Variants in BOLL observed in about 807,000 individuals in gnomAD.
BOLL encodes the protein boule RNA binding protein.
Under a neutral mutation model 44.4 loss-of-function variants are expected in BOLL, and 23 were observed. The ratio of observed to expected loss-of-function variants is 0.52; its 90% CI spans 0.37 to 0.73. The LOEUF is 0.73. BOLL is among the 30% of genes least tolerant of loss of function. The pLI, the probability that BOLL is intolerant of heterozygous loss-of-function variation, is 0.00. For missense variants in BOLL, 287 were observed against 338.3 expected (o/e 0.85, Z 1.19); for synonymous variants, 97 against 110.8 (o/e 0.88, Z 0.78).
intron 10 of BOLL, among the ~76,000 whole-genome samples, chr2:197,740,913 G>A (rs985729518): frequency 5.3e-5 from 8 of 152,142 alleles, no homozygotes; most frequent in South Asian, 2.1e-4. Flanking sequence ...GTCAGGTAGC[G>A]TGATACCTCC....
At chr2:197,770,405 C>T (rs555463887) in intron 6 of BOLL, among the ~76,000 whole-genome samples, 54 of 152,210 alleles carry the variant, frequency 3.5e-4, no homozygotes, top group African/African-American at 1.2e-3. Context: ...TAGGAGAAAA[C>T]CTAGGCAATA....
intron 9 of BOLL, among the ~76,000 whole-genome samples, chr2:197,748,310 TG>T (rs1268380546): frequency 6.6e-6 from 1 of 152,224 alleles, no homozygotes; most frequent in Non-Finnish European, 1.5e-5. Context: ...GGTGCCCATT[TG>T]GGCAGACACC....
intron 9 of BOLL, 79 bp from the exon 10 acceptor site, chr2:197,743,238 A>T: frequency 1.0e-6 from 1 of 987,934 alleles, no homozygotes. Flanking sequence ...ACAATATACT[A>T]ATCATCTAGC....
rs1686941131 is a variant in BOLL at position 197,728,308 on chromosome 2, C to G, written c.*247G>C. On this transcript the variant is annotated 3_prime_UTR_variant, in exon 11 of 11. Transcript: ENST00000392296. ...AAACATGTTGTAGAAAAGGTCATTA[C>G]AGTTAGGTTAGCACATAAAAAACCA... 1.8e-6 allele frequency: 1 copy of G among 563,732 alleles called. No individual in the cohort carries two copies. The highest frequency in any genetic ancestry group is 3.1e-6 in the Non-Finnish European group (1 of 318,518). 34.9% of individuals were successfully genotyped at this position (563,732 alleles called of 1,614,324 possible).
chr2:197,729,168 G>A (rs1318773011), intron 10 of BOLL, among the ~76,000 whole-genome samples: 2 of 152,224 alleles, frequency 1.3e-5, no homozygotes, highest in African/African-American at 2.4e-5. Context: ...CTTGGGAAGC[G>A]CAAGGGGTCA....
chr2:197,770,918 A>T (rs1212803612), intron 6 of BOLL, among the ~76,000 whole-genome samples: 1 of 152,186 alleles, frequency 6.6e-6, no homozygotes, highest in Non-Finnish European at 1.5e-5. Flanking sequence ...AACTAGTTCA[A>T]CCATTGTGGA....
intron 2 of BOLL, among the ~76,000 whole-genome samples, chr2:197,779,464 C>A (rs1405026041): frequency 6.6e-6 from 1 of 151,850 alleles, no homozygotes; most frequent in East Asian, 1.9e-4. Flanking sequence ...GGCAGTGGAA[C>A]TAGGTTGTGT....
chr2:197,746,016 T>C (rs1687972900), intron 9 of BOLL, among the ~76,000 whole-genome samples: 1 of 152,232 alleles, frequency 6.6e-6, no homozygotes, highest in Admixed American at 6.5e-5. Context: ...ATTTTTCTTG[T>C]CTACTATCTA....
intron 6 of BOLL, among the ~76,000 whole-genome samples, chr2:197,769,020 T>C (rs1016551503): frequency 6.6e-6 from 1 of 151,632 alleles, no homozygotes; most frequent in African/African-American, 2.4e-5. Context: ...CCAACTTGAT[T>C]ATGGTGGATA....
chr2:197,766,920 C>T (rs1689026397), intron 6 of BOLL, among the ~76,000 whole-genome samples: 1 of 151,828 alleles, frequency 6.6e-6, no homozygotes, highest in Admixed American at 6.6e-5. Flanking sequence ...AAAATGACAG[C>T]AAGACTTAGG....
chr2:197,742,856 T>A (rs1490404293), intron 10 of BOLL, among the ~76,000 whole-genome samples: 3 of 152,032 alleles, frequency 2.0e-5, no homozygotes, highest in Non-Finnish European at 4.4e-5. Context: ...AGAAAATTTT[T>A]AAGTTGCATA....
intron 2 of BOLL, among the ~76,000 whole-genome samples, chr2:197,779,932 C>T (rs1333101449): frequency 1.3e-5 from 2 of 151,904 alleles, no homozygotes; most frequent in Admixed American, 6.6e-5. Context: ...AGAGCTATGC[C>T]TTTTGAGTTC....
intron 2 of BOLL, among the ~76,000 whole-genome samples, chr2:197,780,975 T>G (rs1300257173): frequency 2.0e-5 from 3 of 152,078 alleles, no homozygotes; most frequent in African/African-American, 7.2e-5. Context: ...TCATGAACTA[T>G]GCTTTCTTGA....
At chr2:197,758,114 A>G (rs950364186) in intron 7 of BOLL, among the ~76,000 whole-genome samples, 2 of 152,248 alleles carry the variant, frequency 1.3e-5, no homozygotes, top group Non-Finnish European at 2.9e-5. Context: ...AAGGTTAAAC[A>G]AAGTTACCGT....
At chr2:197,771,096 C>T (rs1409715202) in intron 6 of BOLL, among the ~76,000 whole-genome samples, 2 of 152,060 alleles carry the variant, frequency 1.3e-5, no homozygotes, top group Non-Finnish European at 2.9e-5. Context: ...TTGGAACCAA[C>T]CCAAATGCCC....
At chr2:197,743,290 T>TA (rs1687841911) in intron 9 of BOLL, 131 bp from the exon 10 acceptor site, 1 of 526,628 alleles carries the variant, frequency 1.9e-6, no homozygotes, top group African/African-American at 2.0e-5. Flanking sequence ...CCCTTATGTT[T>TA]AATTAACTTA....
chr2:197,737,673 A>G (rs907588219), intron 10 of BOLL, among the ~76,000 whole-genome samples: 1 of 152,164 alleles, frequency 6.6e-6, no homozygotes, highest in East Asian at 1.9e-4. Flanking sequence ...TACTCAAATG[A>G]GGAAATGGTT....
At chr2:197,728,605 C>A (rs760279734) in intron 10 of BOLL, 27 bp from the exon 11 acceptor site, 10 of 1,491,280 alleles carry the variant, frequency 6.7e-6, no homozygotes, top group Non-Finnish European at 9.3e-6. Flanking sequence ...AAATATAGAT[C>A]AGGAAGACTG....
At chr2:197,768,543 A>C (rs377199443) in intron 6 of BOLL, among the ~76,000 whole-genome samples, 1 of 151,768 alleles carries the variant, frequency 6.6e-6, no homozygotes, top group Non-Finnish European at 1.5e-5. Flanking sequence ...AAAAAGACCC[A>C]CACACATGGA....
Sources: allele counts gnomAD v4.1 joint callset (sites outside exome capture counted in the v4.1 genomes callset), GRCh38; gene constraint gnomAD v4.1.1; transcripts MANE v1.5; gene names NCBI Gene and HGNC (gene_info 2026-07-23, HGNC 2026-07-21).